PLXND1: variants seen among roughly 807,000 people sequenced by gnomAD.
PLXND1 encodes plexin-D1.
A neutral mutation model predicts 197.7 loss-of-function variants in PLXND1; 54 were observed. That is an observed-to-expected ratio of 0.27 (90% CI 0.22 to 0.34). The LOEUF is 0.34. Among genes scored for constraint, PLXND1 ranks in the 10% least tolerant of loss-of-function variants. The pLI, the probability that PLXND1 is intolerant of heterozygous loss-of-function variation, is 1.00. For synonymous variants in PLXND1, 1,180 were observed against 1,161.2 expected (o/e 1.02, Z -0.33); for missense variants, 2,127 against 2,699.2 (o/e 0.79, Z 4.70).
At chr3:129,574,669 A>G (rs1420971690) in intron 11 of PLXND1, among the ~76,000 whole-genome samples, 179 bp from the exon 12 acceptor site, 1 of 152,094 alleles carries the variant, frequency 6.6e-6, no homozygotes, top group Non-Finnish European at 1.5e-5. Context: ...CCCTTCCCCA[A>G]ACCCCTGGGG....
rs759485452 is a variant in PLXND1 at position 129,558,491 on chromosome 3, G to A, written c.5382C>T (p.Cys1794=). ...DIDKTDHIDA[C]LSVIAQAFID... Reference sequence around the variant, plus strand: ...TGAAGGCCTGCGCGATGACTGAAAGGCAGGCGTCGATGTGGTCTGTCTTGT... The same window carrying A: ...TGAAGGCCTGCGCGATGACTGAAAGACAGGCGTCGATGTGGTCTGTCTTGT... Residue 1794 remains cysteine (C), a synonymous_variant, in exon 33 of 36, where the codon TGC becomes TGT. Coordinates refer to ENST00000324093, the MANE Select transcript of PLXND1 (RefSeq NM_015103.3). This position sits in a 1 kb window ranked among gnomAD's most constrained non-coding sequence, Gnocchi z 4.1. 1.2e-6 allele frequency: 2 copies of A among 1,613,980 alleles called. No individual in the cohort carries two copies. Among genetic ancestry groups the A allele is most frequent in the Non-Finnish European group, 1.7e-6 (2 of 1,179,972 alleles).
Position 129,604,455 on chromosome 3 carries a change from T to C in PLXND1, c.1311+874A>G, listed in dbSNP as rs940393846. ...GCAAGTTGCTTAACCTCTCTGTGCC[T>C]GTTTCTTCATCTGTAAAATGTGATG... On this transcript the variant is annotated intron_variant, in intron 1 of 35. Transcript: ENST00000324093. Among the ~76,000 whole-genome samples, 3 of 152,226 alleles carry C rather than the reference T, an allele frequency of 2.0e-5. No homozygotes were observed. In the East Asian group the frequency reaches 5.8e-4, roughly 29 times the overall value.
rs962461385 is a variant in PLXND1, at chr3:129,577,374, G to T, written c.2346+955C>A. Among the ~76,000 whole-genome samples the T allele has an allele frequency of 6.6e-6, 1 of 152,108 alleles. No individual in the cohort carries two copies. Among genetic ancestry groups the T allele is most frequent in the African/African-American group, 2.4e-5 (1 of 41,430 alleles). The stretch of plus-strand genomic sequence containing the variant: ...AGGCTCACACCTCCCCATCCCAGGC[G>T]CCCACGGCCCAGGGGCAGAGCCATC... On this transcript the variant is annotated intron_variant, in intron 9 of 35. Coordinates refer to ENST00000324093, the MANE Select transcript of PLXND1 (RefSeq NM_015103.3). This position sits in a 1 kb window ranked among gnomAD's most constrained non-coding sequence, Gnocchi z 5.0.
chr3:129,562,710 G>C, intron 27 of PLXND1, 77 bp downstream of exon 27: 1 of 1,360,390 alleles, frequency 7.4e-7, no homozygotes, highest in South Asian at 1.3e-5. Context: ...CAGGTGAAAG[G>C]AGTGTTTCCC....
rs140370335 is a variant in PLXND1 at position 129,570,419 on chromosome 3, C to CA, written c.3750+366dup. Among the ~76,000 whole-genome samples the CA allele has an allele frequency of 0.02, 3,019 of 152,222 alleles. 439 individuals carry two copies. The East Asian group carries it at 0.38, about 19-fold the overall frequency. Reference sequence around the variant, plus strand: ...GCTGCTTGGGAGAGAGTGAGCTCCCCATCCCAGGAGACATGCAAGGAGATA... The same window carrying CA: ...GCTGCTTGGGAGAGAGTGAGCTCCCCAATCCCAGGAGACATGCAAGGAGATA... On this transcript the variant is annotated intron_variant, in intron 19 of 35. Coordinates refer to ENST00000324093, the MANE Select transcript of PLXND1 (RefSeq NM_015103.3).
At position 129,567,682 on chromosome 3, in the gene PLXND1, G is replaced by C; in HGVS notation, c.3973+16C>G. On this transcript the variant is annotated intron_variant, in intron 21 of 35. Coordinates refer to ENST00000324093, the MANE Select transcript of PLXND1 (RefSeq NM_015103.3). The stretch of plus-strand genomic sequence containing the variant: ...GGAAAGTTGAGGCCCAGCCCTGCAG[G>C]GTCCCCGCCCACTACCTTTGCGGAT... 2.5e-6 allele frequency: 4 copies of C among 1,587,216 alleles called. No individual in the cohort carries two copies. Among genetic ancestry groups the C allele is most frequent in the Non-Finnish European group, 3.5e-6 (4 of 1,155,756 alleles).
intron 9 of PLXND1, among the ~76,000 whole-genome samples, chr3:129,576,726 A>G (rs1298221751): frequency 6.6e-6 from 1 of 152,188 alleles, no homozygotes; most frequent in Non-Finnish European, 1.5e-5. Context: ...CTACCTGGAC[A>G]ATGGGAATAG....
chr3:129,590,306 GC>G (rs1447490818), intron 1 of PLXND1, among the ~76,000 whole-genome samples: 1 of 79,750 alleles, frequency 1.3e-5, no homozygotes, highest in Non-Finnish European at 3.3e-5. Context: ...CCATGTCCGG[GC>G]TGTTCCCTGA....
At chr3:129,561,960 A>G in intron 27 of PLXND1, 57 bp from the exon 28 acceptor site, 1 of 1,196,364 alleles carries the variant, frequency 8.4e-7, no homozygotes, top group Non-Finnish European at 1.3e-6. Context: ...CCTGAGGGGT[A>G]GGTACCGGCC....
At chr3:129,559,572 G>A (rs767216419) in intron 32 of PLXND1, 48 bp downstream of exon 32, 5 of 1,489,460 alleles carry the variant, frequency 3.4e-6, no homozygotes, top group Non-Finnish European at 4.5e-6. Context: ...CCCTGCCACA[G>A]GGGCCCCAGT....
intron 1 of PLXND1, among the ~76,000 whole-genome samples, chr3:129,598,573 C>T (rs892841678): frequency 3.3e-5 from 5 of 152,152 alleles, no homozygotes; most frequent in African/African-American, 4.8e-5. Flanking sequence ...AACCCCAGCC[C>T]GCGACCATGA....
At chr3:129,592,050 G>A (rs776165710) in intron 1 of PLXND1, among the ~76,000 whole-genome samples, 8 of 152,108 alleles carry the variant, frequency 5.3e-5, no homozygotes, top group Non-Finnish European at 1.2e-4. Flanking sequence ...TCACAAGCTC[G>A]TTCCTGCCTC....
intron 8 of PLXND1, among the ~76,000 whole-genome samples, chr3:129,582,987 C>A (rs961922005): frequency 1.3e-5 from 2 of 152,184 alleles, no homozygotes; most frequent in African/African-American, 4.8e-5. Flanking sequence ...GCTGCAGCAC[C>A]ACCCACCCTT....
intron 1 of PLXND1, among the ~76,000 whole-genome samples, chr3:129,604,508 T>A (rs1424241494): frequency 6.6e-6 from 1 of 152,234 alleles, no homozygotes; most frequent in African/African-American, 2.4e-5. Context: ...AGAGGGTTGT[T>A]CTGAGAACTG....
At position 129,573,605 on chromosome 3, in the gene PLXND1, C is replaced by T. The variant is rs141704122; in HGVS notation, c.2826G>A (p.Thr942=). ...CCGTGGCTACTCACTCCTCCGACAC[C>T]GTGTATCTGTCAGGCAGTGGCTCAC... ...VACEPLPDRY[T]VSEEIVCVTG... The change falls in exon 13 of 36, where the codon ACG becomes ACA. Residue 942 remains threonine, a synonymous_variant. Transcript: ENST00000324093. The T allele has an allele frequency of 7.4e-6, 12 of 1,613,186 alleles. No individual in the cohort carries two copies. Among genetic ancestry groups the T allele is most frequent in the South Asian group, 4.4e-5 (4 of 91,068 alleles).
At chr3:129,592,654 T>C (rs1268407003) in intron 1 of PLXND1, among the ~76,000 whole-genome samples, 1 of 149,014 alleles carries the variant, frequency 6.7e-6, no homozygotes, top group Non-Finnish European at 1.5e-5. Flanking sequence ...AAGCCATTAA[T>C]TCTGCACCGA....
chr3:129,592,328 G>A (rs1015369327), intron 1 of PLXND1, among the ~76,000 whole-genome samples: 1 of 152,198 alleles, frequency 6.6e-6, no homozygotes, highest in Non-Finnish European at 1.5e-5. Flanking sequence ...ATTTTCCTAG[G>A]GGCTAGGTAA....
Position 129,586,148 on chromosome 3 carries a change from G to A in PLXND1, c.1721+24C>T, listed in dbSNP as rs774344328. ...CCACCCCCACAGCCCTCCTGGTCCA[G>A]CTGTTGCTGGTGTCCAGCCTCACCG... On this transcript the variant is annotated intron_variant, in intron 4 of 35. Transcript: ENST00000324093. 3 of 1,610,642 alleles carry A rather than the reference G, an allele frequency of 1.9e-6. No individual in the cohort carries two copies. In the East Asian group the frequency reaches 6.7e-5, roughly 36 times the overall value.
Position 129,605,432 on chromosome 3 carries a change from G to A in PLXND1, c.1208C>T (p.Ala403Val), listed in dbSNP as rs1462608717. 2 of 1,502,798 alleles carry A rather than the reference G, an allele frequency of 1.3e-6. No individual in the cohort carries two copies. The highest frequency in any genetic ancestry group is 1.8e-6 in the Non-Finnish European group (2 of 1,133,324). The allele number at this position is 1,502,798 out of a possible 1,614,324, so 93.1% of individuals were successfully genotyped here. A position where few individuals can be genotyped will look rare whatever the true frequency, so the allele number is the denominator to read the frequency against. Residue 403 changes from alanine to valine, a missense_variant, in exon 1 of 36, where the codon GCG becomes GTG. Ala to Val is a moderately conservative substitution (Grantham distance 64). Coordinates refer to ENST00000324093, the MANE Select transcript of PLXND1 (RefSeq NM_015103.3). The stretch of plus-strand genomic sequence containing the variant: ...CGGTTCCACGAAGCAGGCGGTGCGC[G>A]CAGCTCGGATGGCGGCTCGCACGTC... ...FADVRAAIRAARTACFVEPAP... is the reference protein window; with the variant it reads ...FADVRAAIRAVRTACFVEPAP...
Sources: allele counts gnomAD v4.1 joint callset (sites outside exome capture counted in the v4.1 genomes callset), GRCh38; gene constraint gnomAD v4.1.1; non-coding constraint Gnocchi (gnomAD v3.1); transcripts MANE v1.5; gene names NCBI Gene and HGNC (gene_info 2026-07-23, HGNC 2026-07-21).